MGAT5: variants seen among roughly 807,000 people sequenced by gnomAD.
The protein encoded by MGAT5 is alpha-1,6-mannosylglycoprotein 6-beta-N-acetylglucosaminyltransferase A.
MGAT5 carries 30 observed loss-of-function variants against 94.3 expected under a neutral mutation model. The observed-to-expected ratio is 0.32, with a 90% CI of 0.24 to 0.43. MGAT5 has a LOEUF of 0.43. Ranked by LOEUF, MGAT5 falls within the 20% of genes least tolerant of loss-of-function variation. MGAT5 has a pLI of 1.00. For missense variants in MGAT5, 691 were observed against 905.5 expected (o/e 0.76, Z 3.04); for synonymous variants, 310 against 322.9 (o/e 0.96, Z 0.43).
At chr2:134,327,973 C>A (rs1313993732) in intron 4 of MGAT5, among the ~76,000 whole-genome samples, 1 of 152,036 alleles carries the variant, frequency 6.6e-6, no homozygotes, top group African/African-American at 2.4e-5. Context: ...CCAGTTGGGA[C>A]CAGTTTTGCC....
chr2:134,302,745 TGTGTG>T, intron 2 of MGAT5, among the ~76,000 whole-genome samples: 1 of 151,014 alleles, frequency 6.6e-6, no homozygotes, highest in Non-Finnish European at 1.5e-5. Flanking sequence ...TGTGTGTGTG[TGTGTG>T]TGTGTGTGTG....
rs572748226 is a variant in MGAT5, at chr2:134,189,426, A to G, written c.-142-64836A>G. 1.6e-4 allele frequency among the ~76,000 whole-genome samples: 25 copies of G among 152,194 alleles called. No individual in the cohort carries two copies. The South Asian group carries it at 1.9e-3, about 11-fold the overall frequency. ...GGCCAGTCAGATTCTTTACTGTACA[A>G]TAGGGAAATTATATGTGAGATAGCA... On this transcript the variant is annotated intron_variant, in intron 1 of 16. Transcript: ENST00000409645.
chr2:134,259,611 C>G (rs1185386755), intron 1 of MGAT5, among the ~76,000 whole-genome samples: 1 of 152,182 alleles, frequency 6.6e-6, no homozygotes, highest in Non-Finnish European at 1.5e-5. Context: ...CCCCATCCCA[C>G]TTTGCCTGCT....
At chr2:134,376,475 C>G (rs893226357) in intron 10 of MGAT5, among the ~76,000 whole-genome samples, 4 of 152,168 alleles carry the variant, frequency 2.6e-5, no homozygotes, top group Admixed American at 2.0e-4. Flanking sequence ...AAGGAGTTGG[C>G]AAATGAATCA....
chr2:134,148,443 T>C (rs1687023987), intron 1 of MGAT5, among the ~76,000 whole-genome samples: 2 of 152,246 alleles, frequency 1.3e-5, no homozygotes, highest in Admixed American at 1.3e-4. Flanking sequence ...TTGGTCTAAG[T>C]GTTCATACAA....
At chr2:134,332,864 G>T (rs971746449) in intron 4 of MGAT5, among the ~76,000 whole-genome samples, 4 of 152,116 alleles carry the variant, frequency 2.6e-5, no homozygotes, top group Non-Finnish European at 5.9e-5. Flanking sequence ...TCAGAGAAAT[G>T]CAAATCAAAA....
rs1410933090 is a variant in MGAT5 at position 134,130,663 on chromosome 2, G to A, written c.-143+10372G>A. Among the ~76,000 whole-genome samples, 4 of 143,728 alleles carry A rather than the reference G, an allele frequency of 2.8e-5. No individual in the cohort carries two copies. In the South Asian group the frequency reaches 6.5e-4, roughly 24 times the overall value. The allele number at this position is 143,728 out of a possible 152,430, so 94.3% of individuals were successfully genotyped here. On this transcript the variant is annotated intron_variant, in intron 1 of 16. Transcript: ENST00000409645. ...TTGTAAATGCACCAATCAGCACTCT[G>A]TGTCTAGCTAAAGGTTTGTAAATGC... is the stretch of plus-strand genomic sequence containing the variant.
intron 1 of MGAT5, among the ~76,000 whole-genome samples, chr2:134,176,099 T>A (rs1439662292): frequency 6.6e-6 from 1 of 151,998 alleles, no homozygotes; most frequent in Non-Finnish European, 1.5e-5. Context: ...CTGGGGAAGG[T>A]TAAGACTACT....
chr2:134,406,261 G>A (rs1382287859), intron 11 of MGAT5, among the ~76,000 whole-genome samples: 2 of 152,192 alleles, frequency 1.3e-5, no homozygotes, highest in South Asian at 2.1e-4. Context: ...AGCTGGACCA[G>A]TACCGTCCTT....
Position 134,138,182 on chromosome 2 carries a change from A to G in MGAT5, c.-143+17891A>G, listed in dbSNP as rs542333348. ...TTTTTAAAGTGAGATACCTAACATA[A>G]TTTTATTAAGAAGCTGTTCTTCTAT... is the stretch of plus-strand genomic sequence containing the variant. On this transcript the variant is annotated intron_variant, in intron 1 of 16. Coordinates refer to the MGAT5 transcript ENST00000409645. 1.5e-4 allele frequency among the ~76,000 whole-genome samples: 23 copies of G among 148,478 alleles called. 2 individuals carry two copies. The South Asian group carries it at 3.9e-3, about 25-fold the overall frequency.
chr2:134,330,899 T>C (rs185327526), intron 4 of MGAT5, among the ~76,000 whole-genome samples: 1 of 152,184 alleles, frequency 6.6e-6, no homozygotes, highest in African/African-American at 2.4e-5. Flanking sequence ...ATCATTATTC[T>C]TTCAAAAGAA....
intron 1 of MGAT5, among the ~76,000 whole-genome samples, chr2:134,216,373 T>C (rs1680499265): frequency 6.6e-6 from 1 of 152,202 alleles, no homozygotes; most frequent in African/African-American, 2.4e-5. Context: ...GAAATTCCCA[T>C]GTTGTGATCC....
intron 2 of MGAT5, among the ~76,000 whole-genome samples, chr2:134,292,061 T>A (rs1405315308): frequency 6.6e-6 from 1 of 152,178 alleles, no homozygotes; most frequent in East Asian, 1.9e-4. Context: ...CATTTCTAAT[T>A]TTTAAAAGGG....
In MGAT5 at chr2:134,227,773, G is replaced by A. The variant is rs141182479; in HGVS notation, c.-142-26489G>A. ...TCAAAAGAGTTCTGGTTCGTGGCAG[G>A]TAGGGACCATTGTATTCTTCAGACC... On this transcript the variant is annotated intron_variant, in intron 1 of 16. Coordinates refer to the MGAT5 transcript ENST00000409645. Among the ~76,000 whole-genome samples, 668 of 152,266 alleles carry A rather than the reference G, an allele frequency of 4.4e-3. 3 individuals carry two copies. Among genetic ancestry groups the A allele is most frequent in the Middle Eastern group, 0.014 (4 of 294 alleles).
intron 9 of MGAT5, among the ~76,000 whole-genome samples, chr2:134,353,300 A>G (rs191461628): frequency 7.9e-5 from 12 of 152,370 alleles, no homozygotes; most frequent in African/African-American, 2.2e-4. Flanking sequence ...CCTCTCATAC[A>G]GAGAAGATTA....
chr2:134,199,269 T>C (rs1558983879), intron 1 of MGAT5, among the ~76,000 whole-genome samples: 1 of 152,194 alleles, frequency 6.6e-6, no homozygotes, highest in Non-Finnish European at 1.5e-5. Context: ...GAGGGCAGTG[T>C]GTTTTCCTGT....
At chr2:134,252,732 G>A (rs1682694048), upstream of MGAT5, among the ~76,000 whole-genome samples, 1 of 152,154 alleles carries the variant, frequency 6.6e-6, no homozygotes, top group South Asian at 2.1e-4. Flanking sequence ...GCTACAAAGA[G>A]TATCTGTTAC....
At chr2:134,166,604 G>A (rs2105091200) in intron 1 of MGAT5, among the ~76,000 whole-genome samples, 1 of 152,256 alleles carries the variant, frequency 6.6e-6, no homozygotes, top group Non-Finnish European at 1.5e-5. Context: ...TCAAAAACAA[G>A]GGAAATTAAT....
At chr2:134,126,492 G>C (rs1045419846) in intron 1 of MGAT5, among the ~76,000 whole-genome samples, 4 of 152,198 alleles carry the variant, frequency 2.6e-5, no homozygotes, top group Non-Finnish European at 5.9e-5. Flanking sequence ...AGAAGGTTGA[G>C]AACACATTCA....
Sources: allele counts gnomAD v4.1 joint callset (sites outside exome capture counted in the v4.1 genomes callset), GRCh38; gene constraint gnomAD v4.1.1; transcripts MANE v1.5; gene names NCBI Gene and HGNC (gene_info 2026-07-23, HGNC 2026-07-21).